Variants in ZNF883 observed in about 807,000 individuals in gnomAD.
The protein encoded by ZNF883 is zinc finger protein 883.
At chr9:113,000,271 A>G (rs1463958995), upstream of ZNF883, among the ~76,000 whole-genome samples, 1 of 152,232 alleles carries the variant, frequency 6.6e-6, no homozygotes, top group Non-Finnish European at 1.5e-5. Flanking sequence ...ATGTTTTTGG[A>G]AACCAGAGGC....
intron 2 of ZNF883, among the ~76,000 whole-genome samples, chr9:113,004,989 G>C (rs1475841719): frequency 6.6e-6 from 1 of 151,868 alleles, no homozygotes; most frequent in East Asian, 1.9e-4. Flanking sequence ...ATAATCTTAG[G>C]ATAACTGGTT....
At chr9:112,995,659 A>C (rs1828345607), downstream of ZNF883, among the ~76,000 whole-genome samples, 1 of 152,134 alleles carries the variant, frequency 6.6e-6, no homozygotes, top group African/African-American at 2.4e-5. Flanking sequence ...AAAAAAAGTC[A>C]CCAATGTATA....
intron 2 of ZNF883, among the ~76,000 whole-genome samples, chr9:113,003,915 A>T (rs2118620774): frequency 6.7e-6 from 1 of 150,090 alleles, no homozygotes; most frequent in East Asian, 2.0e-4. Context: ...TTGTGGGTTG[A>T]ATTGTGTCCC....
At chr9:113,004,444 C>T (rs541530026) in intron 2 of ZNF883, among the ~76,000 whole-genome samples, 2 of 151,866 alleles carry the variant, frequency 1.3e-5, no homozygotes, top group Non-Finnish European at 2.9e-5. Context: ...AATTTTAACC[C>T]CTGAGGTAAT....
intron 2 of ZNF883, among the ~76,000 whole-genome samples, chr9:113,006,625 T>C (rs1057495172): frequency 2.0e-5 from 3 of 152,092 alleles, no homozygotes; most frequent in African/African-American, 4.8e-5. Flanking sequence ...CTTAAAGAAG[T>C]AGGATTCAAG....
chr9:112,995,028 G>T (rs1413313011), downstream of ZNF883, among the ~76,000 whole-genome samples: 1 of 152,098 alleles, frequency 6.6e-6, no homozygotes, highest in Non-Finnish European at 1.5e-5. Context: ...TTAATTTTAT[G>T]TGTCAACTTG....
At chr9:112,996,978 T>C, downstream of ZNF883, 2 of 712,468 alleles carry the variant, frequency 2.8e-6, no homozygotes. Flanking sequence ...GCATAGTCCT[T>C]CTTCTCAGTA....
chr9:112,997,784 CCA>C (rs1483033293), exon 1 of ZNF883: 1 of 1,613,648 alleles, frequency 6.2e-7, no homozygotes, highest in Admixed American at 1.7e-5. Flanking sequence ...GAAGGTTTTT[CCA>C]CATTCAGTAC....
exon 1 of ZNF883, chr9:112,997,394 C>G (rs777062427): frequency 6.2e-7 from 1 of 1,613,964 alleles, no homozygotes; most frequent in Non-Finnish European, 8.5e-7. Context: ...GGGTTTCACA[C>G]AAGAATGAAT....
chr9:113,007,102 G>A (rs185582922), intron 2 of ZNF883, among the ~76,000 whole-genome samples: 2 of 152,286 alleles, frequency 1.3e-5, no homozygotes, highest in East Asian at 3.9e-4. Context: ...GCAGAGGCAG[G>A]AGAATCGCTT....
downstream of ZNF883, among the ~76,000 whole-genome samples, chr9:112,996,825 GT>G (rs1484992159): frequency 3.5e-5 from 2 of 56,416 alleles, no homozygotes; most frequent in East Asian, 4.1e-4. Flanking sequence ...AAAAAAAAAA[GT>G]TTTTTTATAA....
At chr9:113,003,151 G>T (rs1478119423), upstream of ZNF883, among the ~76,000 whole-genome samples, 3 of 152,130 alleles carry the variant, frequency 2.0e-5, no homozygotes, top group Non-Finnish European at 4.4e-5. Flanking sequence ...TCAAGGATTG[G>T]GCCAGGTGGA....
chr9:113,008,071 A>G (rs898926580), intron 2 of ZNF883, among the ~76,000 whole-genome samples: 11 of 152,216 alleles, frequency 7.2e-5, no homozygotes, highest in African/African-American at 2.7e-4. Flanking sequence ...CCTTCTAAAG[A>G]CATAAATTCT....
chr9:113,011,948 G>A (rs1480741655), intron 1 of ZNF883, among the ~76,000 whole-genome samples: 1 of 152,106 alleles, frequency 6.6e-6, no homozygotes, highest in Non-Finnish European at 1.5e-5. Context: ...ACCCTGAAGC[G>A]GGATGCTGGC....
chr9:112,988,317 G>A (rs755315742), intron 1 of ZNF883, among the ~76,000 whole-genome samples: 1 of 150,866 alleles, frequency 6.6e-6, no homozygotes, highest in Non-Finnish European at 1.5e-5. Flanking sequence ...CCCCCAACAG[G>A]CCCCAGTGTG....
downstream of ZNF883, among the ~76,000 whole-genome samples, chr9:112,992,623 T>A (rs1476190687): frequency 1.3e-5 from 2 of 152,168 alleles, no homozygotes; most frequent in African/African-American, 4.8e-5. Flanking sequence ...GAACGTTGGC[T>A]TGTCTTGTTA....
downstream of ZNF883, among the ~76,000 whole-genome samples, chr9:112,994,891 A>C (rs568198160): frequency 1.0e-3 from 155 of 151,888 alleles, 2 homozygotes; most frequent in South Asian, 0.016. Context: ...ATTACCTGGG[A>C]TCTTTAGCAT....
intron 2 of ZNF883, among the ~76,000 whole-genome samples, chr9:113,007,997 C>T (rs950371334): frequency 1.2e-4 from 18 of 152,014 alleles, no homozygotes; most frequent in African/African-American, 3.6e-4. Context: ...TCTGCATCAC[C>T]GGGACAGCAT....
chr9:112,997,003 A>G, downstream of ZNF883: 5 of 938,068 alleles, frequency 5.3e-6, no homozygotes, highest in Non-Finnish European at 7.7e-6. Flanking sequence ...TAGCATATTA[A>G]GTAAATGAGT....
Sources: gnomAD v4.1 joint callset for allele counts (sites outside exome capture counted in the v4.1 genomes callset) on GRCh38, gnomAD v4.1.1 for gene constraint, MANE v1.5 for transcripts, NCBI Gene and HGNC (gene_info 2026-07-23, HGNC 2026-07-21) for gene names.